Variants in MINAR1 observed in about 807,000 individuals in gnomAD.
MINAR1 encodes the protein major intrinsically disordered Notch2-binding receptor 1.
MINAR1 carries 40 observed loss-of-function variants against 65.1 expected under a neutral mutation model. The observed-to-expected ratio is 0.61, with a 90% CI of 0.48 to 0.80. MINAR1 has a LOEUF of 0.80. Ranked by LOEUF, MINAR1 falls within the 30% of genes least tolerant of loss-of-function variation. MINAR1 has a pLI of 0.00. For synonymous variants in MINAR1, 482 were observed against 449.1 expected (o/e 1.07, Z -0.93); for missense variants, 1,128 against 1,148.0 (o/e 0.98, Z 0.25).
chr15:79,447,761 T>G (rs1895065452), intron 1 of MINAR1, among the ~76,000 whole-genome samples: 1 of 152,172 alleles, frequency 6.6e-6, no homozygotes, highest in South Asian at 2.1e-4. Flanking sequence ...CCCAAAATAT[T>G]TAAGACATTG....
At chr15:79,446,573 A>G (rs1895026689) in intron 1 of MINAR1, among the ~76,000 whole-genome samples, 1 of 151,720 alleles carries the variant, frequency 6.6e-6, no homozygotes, top group South Asian at 2.1e-4. Flanking sequence ...TTTTAAGTTT[A>G]TTCTATTTTA....
At chr15:79,447,369 CT>C (rs2141284705) in intron 1 of MINAR1, among the ~76,000 whole-genome samples, 1 of 152,088 alleles carries the variant, frequency 6.6e-6, no homozygotes, top group Non-Finnish European at 1.5e-5. Flanking sequence ...TCTGTATGTA[CT>C]TTTTTCATAG....
rs775438609 is a variant in MINAR1 at position 79,457,863 on chromosome 15, C to T, written c.1716C>T (p.Pro572=). 6.2e-6 allele frequency: 10 copies of T among 1,613,978 alleles called. No homozygotes were observed. In the East Asian group the frequency reaches 2.2e-4, roughly 36 times the overall value. Residue 572 remains proline (P), a synonymous_variant, in exon 2 of 4, where the codon CCC becomes CCT. Coordinates refer to ENST00000305428, the MANE Select transcript of MINAR1 (RefSeq NM_015206.3). ...TAACCAAAATTGCCAATGGGGTCCC[C>T]AACAGCAAGGGAGACAAGGGCAACC... The part of the protein sequence containing the change: ...HNLTKIANGV[P]NSKGDKGNRP...
intron 1 of MINAR1, among the ~76,000 whole-genome samples, chr15:79,450,313 T>C (rs1895149586): frequency 6.6e-6 from 1 of 152,180 alleles, no homozygotes. Flanking sequence ...CTCATGCACC[T>C]TCTGGGTGCT....
intron 1 of MINAR1, among the ~76,000 whole-genome samples, chr15:79,447,488 TC>T (rs1895056603): frequency 6.6e-6 from 1 of 152,184 alleles, no homozygotes; most frequent in Non-Finnish European, 1.5e-5. Context: ...TTCTTGAAGT[TC>T]TAATCCTGCT....
At chr15:79,435,482 T>G (rs1478826242) in intron 1 of MINAR1, among the ~76,000 whole-genome samples, 1 of 152,198 alleles carries the variant, frequency 6.6e-6, no homozygotes, top group African/African-American at 2.4e-5. Flanking sequence ...GTCACCTAGC[T>G]CAGTGTTATA....
chr15:79,427,404 T>G (rs902504966), upstream of MINAR1: 6 of 152,292 alleles, frequency 3.9e-5, no homozygotes, highest in Non-Finnish European at 5.9e-5. Context: ...TATGTACCCC[T>G]GAACCTAAAA....
Position 79,471,051 on chromosome 15 carries a change from G to A in MINAR1, c.*2667G>A, listed in dbSNP as rs1345698658. Reference sequence around the variant, plus strand: ...CCCCTATTCCCTCAGTTTGCAGAATGAGCAAGATAGAGTCTGGCTAGGAGG... The same window carrying A: ...CCCCTATTCCCTCAGTTTGCAGAATAAGCAAGATAGAGTCTGGCTAGGAGG... On this transcript the variant is annotated 3_prime_UTR_variant, in exon 4 of 4. Coordinates refer to ENST00000305428, the MANE Select transcript of MINAR1 (RefSeq NM_015206.3). The A allele has an allele frequency of 6.6e-6, 1 of 152,066 alleles. No individual in the cohort carries two copies. Among genetic ancestry groups the A allele is most frequent in the East Asian group, 1.9e-4 (1 of 5,184 alleles). The allele number at this position is 152,066 out of a possible 1,614,324, so 9.4% of individuals were successfully genotyped here.
Position 79,458,226 on chromosome 15 carries a change from C to A in MINAR1, c.2079C>A (p.Ser693Arg). The A allele has an allele frequency of 6.2e-7, 1 of 1,614,126 alleles. No homozygotes were observed. The highest frequency in any genetic ancestry group is 8.5e-7 in the Non-Finnish European group (1 of 1,180,042). ...ATGCTAGCGGGAGCAACAGTGAAAG[C>A]CTGCGGGTCAAGGCCTTAAAAAAAA... ...CSDASGSNSE[S>R]LRVKALKKSL... Residue 693 changes from serine (S) to arginine (R), a missense_variant, in exon 2 of 4, where the codon AGC (serine) becomes AGA (arginine). Ser to Arg is a moderately radical substitution (Grantham distance 110, BLOSUM62 -1). Coordinates refer to ENST00000305428, the MANE Select transcript of MINAR1 (RefSeq NM_015206.3).
rs181014886 is a variant in MINAR1, at chr15:79,438,011, G to A, written c.-51+5471G>A. Among the ~76,000 whole-genome samples the A allele has an allele frequency of 2.7e-3, 22 of 8,084 alleles. 3 individuals are homozygous for A. In the East Asian group the frequency reaches 0.052, roughly 19 times the overall value. The allele number at this position is 8,084 out of a possible 152,430, so 5.3% of individuals were successfully genotyped here. ...GATGGGGTGGGTAGTGAGTGTGTGG[G>A]GTGTGGGTGTGGGAGGGTAGTGTGT... On this transcript the variant is annotated intron_variant, in intron 1 of 3. Coordinates refer to ENST00000305428, the MANE Select transcript of MINAR1 (RefSeq NM_015206.3).
intron 1 of MINAR1, among the ~76,000 whole-genome samples, chr15:79,445,271 C>T (rs950798451): frequency 2.6e-5 from 4 of 152,046 alleles, no homozygotes; most frequent in African/African-American, 4.8e-5. Flanking sequence ...AAAGTAGATA[C>T]TATTATCATC....
chr15:79,457,027 C>T lies in MINAR1; in HGVS notation c.880C>T (p.Pro294Ser). 1.9e-6 allele frequency: 3 copies of T among 1,613,904 alleles called. No homozygotes were observed. The highest frequency in any genetic ancestry group is 2.5e-6 in the Non-Finnish European group (3 of 1,179,862). Residue 294 changes from proline (P) to serine (S), a missense_variant, in exon 2 of 4, where the codon CCC (proline) becomes TCC (serine). By Grantham distance (74) the Pro-to-Ser change is moderately conservative. Transcript: ENST00000305428. ...EHREPQSRKE[P>S]HKPPFFNHSF... ...CAGGGAACCCCAGAGTCGAAAGGAA[C>T]CCCACAAGCCACCCTTCTTCAACCA...
intron 1 of MINAR1, among the ~76,000 whole-genome samples, chr15:79,434,816 G>A (rs1346492619): frequency 2.6e-5 from 4 of 152,152 alleles, no homozygotes; most frequent in African/African-American, 7.2e-5. Context: ...TCCTACCTAG[G>A]CATGCTTCAA....
chr15:79,439,916 A>G (rs547739440), intron 1 of MINAR1, among the ~76,000 whole-genome samples: 8 of 152,188 alleles, frequency 5.3e-5, no homozygotes, highest in Non-Finnish European at 7.4e-5. Context: ...AGCCAACAGT[A>G]TACTATGGCC....
intron 3 of MINAR1, among the ~76,000 whole-genome samples, chr15:79,466,030 G>C (rs1472672192): frequency 6.6e-6 from 1 of 151,986 alleles, no homozygotes; most frequent in South Asian, 2.1e-4. Flanking sequence ...AGGCTTCTGG[G>C]GCTCTAGCAG....
At chr15:79,426,095 G>A in the MINAR1 span, 2 of 152,252 alleles carry the variant, frequency 1.3e-5, no homozygotes, top group South Asian at 2.1e-4. Flanking sequence ...TCTACTGAAC[G>A]GATATCAGGA....
intron 1 of MINAR1, among the ~76,000 whole-genome samples, chr15:79,454,487 C>T (rs531176454): frequency 8.5e-5 from 13 of 152,214 alleles, no homozygotes; most frequent in African/African-American, 2.2e-4. Context: ...AGTATGCGAC[C>T]AGGGAAATGA....
At chr15:79,446,912 A>T (rs554847289) in intron 1 of MINAR1, among the ~76,000 whole-genome samples, 1 of 152,098 alleles carries the variant, frequency 6.6e-6, no homozygotes, top group Non-Finnish European at 1.5e-5. Flanking sequence ...TTTGAGACAG[A>T]GTCTCACTCT....
Position 79,457,866 on chromosome 15 carries a change from C to A in MINAR1, c.1719C>A (p.Asn573Lys). 2 of 1,614,098 alleles carry A rather than the reference C, an allele frequency of 1.2e-6. No homozygotes were observed. Among genetic ancestry groups the A allele is most frequent in the Non-Finnish European group, 1.7e-6 (2 of 1,180,044 alleles). The change falls in exon 2 of 4, where the codon AAC becomes AAA. Residue 573 changes from asparagine (N) to lysine (K), a missense_variant. Transcript: ENST00000305428. The stretch of plus-strand genomic sequence containing the variant: ...CCAAAATTGCCAATGGGGTCCCCAA[C>A]AGCAAGGGAGACAAGGGCAACCGGC... Reference protein sequence around the residue: ...NLTKIANGVPNSKGDKGNRPE... With the variant: ...NLTKIANGVPKSKGDKGNRPE...
Sources: gnomAD v4.1 joint callset for allele counts (sites outside exome capture counted in the v4.1 genomes callset) on GRCh38, gnomAD v4.1.1 for gene constraint, MANE v1.5 for transcripts, NCBI Gene and HGNC (gene_info 2026-07-23, HGNC 2026-07-21) for gene names.